Variants in TOMM34 observed in about 807,000 individuals in gnomAD.
The protein encoded by TOMM34 is translocase of outer mitochondrial membrane 34, also known as mitochondrial import receptor subunit TOM34.
TOMM34 carries 24 observed loss-of-function variants against 37.4 expected under a neutral mutation model. The ratio of observed to expected loss-of-function variants is 0.64; its 90% CI spans 0.46 to 0.90. The LOEUF is 0.90. Ranked by LOEUF, TOMM34 falls within the 40% of genes least tolerant of loss-of-function variation. The pLI is 0.00. For missense variants in TOMM34, 304 were observed against 375.6 expected (o/e 0.81, Z 1.58); for synonymous variants, 154 against 148.9 (o/e 1.03, Z -0.25).
At chr20:44,953,892 C>T (rs749187906) in intron 3 of TOMM34, among the ~76,000 whole-genome samples, 1 of 152,182 alleles carries the variant, frequency 6.6e-6, no homozygotes, top group Non-Finnish European at 1.5e-5. Context: ...CATGTTGCTC[C>T]ACTGCTAAAG....
chr20:44,952,793 C>T, intron 3 of TOMM34: 3 of 668,118 alleles, frequency 4.5e-6, no homozygotes, highest in Non-Finnish European at 8.2e-6. Context: ...GCTCCTACAA[C>T]CATGTTTCCT....
At position 44,955,391 on chromosome 20, in the gene TOMM34, C is replaced by T. The variant is rs1230450865; in HGVS notation, c.228-171G>A. On this transcript the variant is annotated intron_variant, in intron 2 of 6. Transcript: ENST00000372813. ...CAGAACAGGGATTTTTCAACGTAGA[C>T]TGAAGTGAGGAGGAGAAAGAAGGCA... is the stretch of plus-strand genomic sequence containing the variant. The T allele has an allele frequency of 8.0e-6, 6 of 748,812 alleles. No homozygotes were observed. In the African/African-American group the frequency reaches 8.7e-5, roughly 11 times the overall value. The allele number at this position is 748,812 out of a possible 1,614,324, so 46.4% of individuals were successfully genotyped here. A position where few individuals can be genotyped will look rare whatever the true frequency, so the allele number is the denominator to read the frequency against.
chr20:44,953,736 A>G (rs1310291965), intron 3 of TOMM34, among the ~76,000 whole-genome samples: 1 of 152,046 alleles, frequency 6.6e-6, no homozygotes, highest in Non-Finnish European at 1.5e-5. Flanking sequence ...TTGTTGATAT[A>G]CTTCCTACAT....
chr20:44,951,948 G>C lies in TOMM34; in HGVS notation c.435C>G (p.Pro145=). 1 of 1,614,086 alleles carries C rather than the reference G, an allele frequency of 6.2e-7. No individual in the cohort carries two copies. The highest frequency in any genetic ancestry group is 8.5e-7 in the Non-Finnish European group (1 of 1,179,960). Residue 145 remains proline (P), a synonymous_variant, in exon 4 of 7, where the codon CCC becomes CCG. Transcript: ENST00000372813. ...SLGPEWRLKL[P]SIPLVPVSAQ... is the part of the protein sequence containing the mutation. ...CTGAAACAGGCACCAAGGGGATTGA[G>C]GGCAGCTTCAGGCGCCACTCAGGCC... is the stretch of plus-strand genomic sequence containing the variant.
intron 3 of TOMM34, 45 bp downstream of exon 3, chr20:44,955,023 G>T: frequency 1.2e-6 from 2 of 1,608,064 alleles, no homozygotes; most frequent in East Asian, 2.2e-5. Flanking sequence ...AATCAAGAAG[G>T]ACAGGGAGTT....
intron 4 of TOMM34, 76 bp from the exon 5 acceptor site, chr20:44,948,953 G>A (rs2067003920): frequency 5.9e-6 from 9 of 1,534,432 alleles, no homozygotes; most frequent in Admixed American, 3.9e-5. Context: ...CTTCAGCATC[G>A]TCCCTTCCAA....
intron 6 of TOMM34, 96 bp from the exon 7 acceptor site, chr20:44,943,309 A>T: frequency 6.3e-7 from 1 of 1,596,364 alleles, no homozygotes; most frequent in East Asian, 2.2e-5. Context: ...CCCAGCCCAC[A>T]GGCCTGCTCT....
In TOMM34 at chr20:44,943,014, G is replaced by T; in HGVS notation, c.*95C>A. The T allele has an allele frequency of 8.3e-7, 1 of 1,201,236 alleles. No homozygotes were observed. Among genetic ancestry groups the T allele is most frequent in the Non-Finnish European group, 1.2e-6 (1 of 815,296 alleles). The allele number at this position is 1,201,236 out of a possible 1,614,324, so 74.4% of individuals were successfully genotyped here. The stretch of plus-strand genomic sequence containing the variant: ...GAGGAGGGGGCTTCAGAGCTCACTT[G>T]GGGCATGCTGGGTTTCAGGAGCGGG... On this transcript the variant is annotated 3_prime_UTR_variant, in exon 7 of 7. Transcript: ENST00000372813.
chr20:44,953,364 AATG>A (rs1293486441), intron 3 of TOMM34, among the ~76,000 whole-genome samples: 2 of 152,120 alleles, frequency 1.3e-5, no homozygotes, highest in African/African-American at 4.8e-5. Flanking sequence ...ACCTGACACT[AATG>A]ATGTCTCCAT....
rs1307935842 is a variant in TOMM34, at chr20:44,942,785, G to A, written c.*324C>T. On this transcript the variant is annotated 3_prime_UTR_variant, in exon 7 of 7. Transcript: ENST00000372813. ...AGCACTCAGTCTGCAGCCCACTTGG[G>A]CAGGACAAAGCCAAATGCTTTGCTG... 7 of 387,486 alleles carry A rather than the reference G, an allele frequency of 1.8e-5. No homozygotes were observed. The Admixed American group carries it at 2.5e-4, about 14-fold the overall frequency. 24.0% of individuals were successfully genotyped at this position (387,486 alleles called of 1,614,324 possible). A position where few individuals can be genotyped will look rare whatever the true frequency, so the allele number is the denominator to read the frequency against.
At chr20:44,948,951 T>C in intron 4 of TOMM34, 74 bp from the exon 5 acceptor site, 2 of 1,545,508 alleles carry the variant, frequency 1.3e-6, no homozygotes, top group Non-Finnish European at 8.7e-7. Flanking sequence ...CTCTTCAGCA[T>C]CGTCCCTTCC....
At chr20:44,959,715 C>T (rs1568667016) in intron 1 of TOMM34, among the ~76,000 whole-genome samples, 2 of 152,154 alleles carry the variant, frequency 1.3e-5, no homozygotes, top group Non-Finnish European at 2.9e-5. Context: ...CACTTCTTTA[C>T]AGATGTTGCC....
At position 44,943,579 on chromosome 20, in the gene TOMM34, T is replaced by C; in HGVS notation, c.699A>G (p.Arg233=). ...GCTTCAGGACCAAATAGCAGAGTGCTCTGAAGGGAAAGACCATTTCAGAGG... is the reference window on the plus strand; with the variant it reads ...GCTTCAGGACCAAATAGCAGAGTGCCCTGAAGGGAAAGACCATTTCAGAGG... ...SNLESATYSN[R]ALCYLVLKQY... Residue 233 remains arginine, a splice_region_variant and synonymous_variant, in exon 6 of 7, where the codon AGA becomes AGG. Coordinates refer to ENST00000372813, the MANE Select transcript of TOMM34 (RefSeq NM_006809.5). 3 of 1,614,148 alleles carry C rather than the reference T, an allele frequency of 1.9e-6. No individual in the cohort carries two copies. The highest frequency in any genetic ancestry group is 2.5e-6 in the Non-Finnish European group (3 of 1,180,024).
intron 5 of TOMM34, among the ~76,000 whole-genome samples, chr20:44,947,539 C>T (rs1205663147): frequency 1.3e-5 from 2 of 152,062 alleles, no homozygotes; most frequent in Non-Finnish European, 2.9e-5. Context: ...CGCTCTGTCA[C>T]CCAGGCTGGA....
chr20:44,954,667 C>T (rs2067055026), intron 3 of TOMM34, among the ~76,000 whole-genome samples: 1 of 152,182 alleles, frequency 6.6e-6, no homozygotes, highest in Non-Finnish European at 1.5e-5. Context: ...AAACCATATC[C>T]TTTTAGGCTT....
At chr20:44,955,806 G>A (rs1453433615) in intron 2 of TOMM34, among the ~76,000 whole-genome samples, 2 of 152,202 alleles carry the variant, frequency 1.3e-5, no homozygotes, top group East Asian at 3.8e-4. Context: ...GCTATCACCA[G>A]GGCAGGAATC....
At chr20:44,959,234 T>C (rs1440711183) in intron 1 of TOMM34, among the ~76,000 whole-genome samples, 1 of 151,968 alleles carries the variant, frequency 6.6e-6, no homozygotes, top group African/African-American at 2.4e-5. Context: ...CAAAGGGAAA[T>C]AGGTACTGAA....
At chr20:44,952,958 C>T (rs1200302435) in intron 3 of TOMM34, among the ~76,000 whole-genome samples, 1 of 152,084 alleles carries the variant, frequency 6.6e-6, no homozygotes, top group East Asian at 1.9e-4. Context: ...CTTCCTCATA[C>T]CCCAAATACA....
At chr20:44,951,536 C>T (rs768176467) in intron 4 of TOMM34, among the ~76,000 whole-genome samples, 9 of 152,106 alleles carry the variant, frequency 5.9e-5, no homozygotes, top group Non-Finnish European at 1.3e-4. Flanking sequence ...TACTACATCC[C>T]AAGTGCTACC....
Sources: gnomAD v4.1 joint callset for allele counts (sites outside exome capture counted in the v4.1 genomes callset) on GRCh38, gnomAD v4.1.1 for gene constraint, MANE v1.5 for transcripts, NCBI Gene and HGNC (gene_info 2026-07-23, HGNC 2026-07-21) for gene names.